Variants in LIN7A observed in about 807,000 individuals in gnomAD.
LIN7A encodes the protein lin-7 cell polarity scaffold A, also known as protein lin-7 homolog A.
LIN7A carries 25 observed loss-of-function variants against 29.8 expected under a neutral mutation model. The observed-to-expected ratio is 0.84, with a 90% CI of 0.61 to 1.17. LIN7A has a LOEUF of 1.17. Among genes scored for constraint, LIN7A ranks in the 50% most tolerant of loss-of-function variants. The pLI, the probability that LIN7A is intolerant of heterozygous loss-of-function variation, is 0.00. For missense variants in LIN7A, 239 were observed against 287.0 expected, an observed-to-expected ratio of 0.83 and a Z score of 1.21; for synonymous variants, 118 against 107.5, an observed-to-expected ratio of 1.10 and a Z score of -0.60.
At chr12:80,885,597 T>C (rs1463713246) in intron 2 of LIN7A, among the ~76,000 whole-genome samples, 4 of 152,088 alleles carry the variant, frequency 2.6e-5, no homozygotes, top group Admixed American at 6.6e-5. Context: ...TGAATGAAGA[T>C]GTGTGAGGAT....
At chr12:80,880,751 G>GCACACAAACACACA (rs1874979521) in intron 2 of LIN7A, among the ~76,000 whole-genome samples, 1 of 136,160 alleles carries the variant, frequency 7.3e-6, no homozygotes, top group Non-Finnish European at 1.6e-5. Context: ...AGGAGGCAAC[G>GCACACAAACACACA]CACACACACA....
intron 5 of LIN7A, among the ~76,000 whole-genome samples, chr12:80,807,074 T>TTTTTTTTGTTTTG (rs1871044378): frequency 2.1e-5 from 1 of 47,036 alleles, no homozygotes; most frequent in Admixed American, 2.1e-4. Context: ...TTTTTTTTTT[T>TTTTTTTTGTTTTG]TTTTTTTTTT....
chr12:80,838,513 T>G (rs780947762), intron 4 of LIN7A, among the ~76,000 whole-genome samples: 5 of 152,194 alleles, frequency 3.3e-5, no homozygotes, highest in Non-Finnish European at 4.4e-5. Flanking sequence ...TGAAAGTGAC[T>G]GGGATAAAAC....
At chr12:80,856,327 T>A (rs1010109495) in intron 2 of LIN7A, among the ~76,000 whole-genome samples, 1 of 152,096 alleles carries the variant, frequency 6.6e-6, no homozygotes, top group Non-Finnish European at 1.5e-5. Context: ...AAGGACAACA[T>A]CTTTGTTAGG....
At chr12:80,820,915 G>A (rs969783820) in intron 4 of LIN7A, among the ~76,000 whole-genome samples, 3 of 152,042 alleles carry the variant, frequency 2.0e-5, no homozygotes, top group Admixed American at 6.6e-5. Context: ...AATGAGCAAA[G>A]GCTTAGAAAT....
chr12:80,828,957 G>A (rs1872215339), intron 4 of LIN7A, among the ~76,000 whole-genome samples: 2 of 152,068 alleles, frequency 1.3e-5, no homozygotes, highest in African/African-American at 2.4e-5. Flanking sequence ...TCTGATTTTA[G>A]TCTTTCCACA....
At chr12:80,804,733 T>C (rs1870894950) in intron 5 of LIN7A, among the ~76,000 whole-genome samples, 1 of 152,014 alleles carries the variant, frequency 6.6e-6, no homozygotes, top group Non-Finnish European at 1.5e-5. Context: ...TTTGTATTTT[T>C]ACTAGAGATG....
intron 2 of LIN7A, among the ~76,000 whole-genome samples, chr12:80,868,104 C>A (rs143173899): frequency 1.3e-5 from 2 of 152,196 alleles, no homozygotes; most frequent in Non-Finnish European, 2.9e-5. Context: ...CTTGACTGCA[C>A]CTTGGTAGCA....
At chr12:80,886,263 T>C (rs1875321002) in intron 2 of LIN7A, among the ~76,000 whole-genome samples, 1 of 152,012 alleles carries the variant, frequency 6.6e-6, no homozygotes, top group South Asian at 2.1e-4. Flanking sequence ...GGAAGTATTC[T>C]AGGCTCACTA....
intron 1 of LIN7A, among the ~76,000 whole-genome samples, chr12:80,901,351 T>A (rs1876204741): frequency 6.6e-6 from 1 of 152,186 alleles, no homozygotes; most frequent in Non-Finnish European, 1.5e-5. Flanking sequence ...TCTATGTATT[T>A]TACCTTTTCT....
chr12:80,808,345 CTTGTTTAT>C (rs1871138379), intron 5 of LIN7A, among the ~76,000 whole-genome samples: 1 of 152,042 alleles, frequency 6.6e-6, no homozygotes, highest in African/African-American at 2.4e-5. Context: ...TTTTTATTTA[CTTGTTTAT>C]TTGTTTATTA....
chr12:80,922,911 C>T (rs1877388102), intron 1 of LIN7A, among the ~76,000 whole-genome samples: 1 of 152,110 alleles, frequency 6.6e-6, no homozygotes, highest in South Asian at 2.1e-4. Flanking sequence ...AGAGGGTTCA[C>T]TACTAACCTT....
intron 1 of LIN7A, among the ~76,000 whole-genome samples, chr12:80,907,172 T>C (rs572150953): frequency 1.3e-5 from 2 of 152,012 alleles, no homozygotes; most frequent in South Asian, 4.2e-4. Context: ...TAATACATTT[T>C]ACTGTGGGTG....
rs759217844 is a variant in LIN7A, at chr12:80,792,683, C to T, written c.*5044G>A. The T allele has an allele frequency of 2.0e-5, 3 of 152,142 alleles. No individual in the cohort carries two copies. The highest frequency in any genetic ancestry group is 4.4e-5 in the Non-Finnish European group (3 of 68,018). 9.4% of individuals were successfully genotyped at this position (152,142 alleles called of 1,614,324 possible). A position where few individuals can be genotyped will look rare whatever the true frequency, so the allele number is the denominator to read the frequency against. ...ATGATACTATTGTCCAATCCTTTCC[C>T]GTAAATGTAAAATATCCTTAGTTCA... On this transcript the variant is annotated 3_prime_UTR_variant, in exon 6 of 6. Coordinates refer to ENST00000552864, the MANE Select transcript of LIN7A (RefSeq NM_004664.4).
At chr12:80,880,244 T>C (rs1212716399) in intron 2 of LIN7A, among the ~76,000 whole-genome samples, 4 of 152,152 alleles carry the variant, frequency 2.6e-5, no homozygotes, top group Admixed American at 6.5e-5. Context: ...AAATCTGAAA[T>C]TGAAAGACTA....
chr12:80,847,774 G>A (rs1425900562), intron 3 of LIN7A, among the ~76,000 whole-genome samples: 7 of 152,096 alleles, frequency 4.6e-5, no homozygotes, highest in Non-Finnish European at 8.8e-5. Context: ...TTTTCTATAA[G>A]GTCTATGCCA....
intron 5 of LIN7A, among the ~76,000 whole-genome samples, chr12:80,803,160 A>G (rs1208855914): frequency 6.6e-6 from 1 of 152,082 alleles, no homozygotes; most frequent in Non-Finnish European, 1.5e-5. Flanking sequence ...GTCTATTTTT[A>G]CTTTTGTTGC....
intron 1 of LIN7A, among the ~76,000 whole-genome samples, chr12:80,912,713 CAAAA>C (rs5799498): frequency 1.6e-4 from 22 of 135,356 alleles, no homozygotes; most frequent in Admixed American, 5.9e-4. Context: ...AGACTTGTCT[CAAAA>C]AAAAAAAAAA....
chr12:80,907,990 A>G (rs1388473750), intron 1 of LIN7A, among the ~76,000 whole-genome samples: 1 of 152,140 alleles, frequency 6.6e-6, no homozygotes, highest in Non-Finnish European at 1.5e-5. Flanking sequence ...TTTATAGATA[A>G]GCAAACCAAA....
Sources: allele counts gnomAD v4.1 joint callset (sites outside exome capture counted in the v4.1 genomes callset), GRCh38; gene constraint gnomAD v4.1.1; transcripts MANE v1.5; gene names NCBI Gene and HGNC (gene_info 2026-07-23, HGNC 2026-07-21).